Variants in METTL21A observed in about 807,000 individuals in gnomAD.
METTL21A encodes the protein methyltransferase 21A, HSPA lysine, also known as protein N-lysine methyltransferase METTL21A.
A neutral mutation model predicts 20.9 loss-of-function variants in METTL21A; 22 were observed. That is an observed-to-expected ratio of 1.05 (90% confidence interval 0.75 to 1.50). The LOEUF is 1.50. METTL21A is among the 40% of genes most tolerant of loss of function. METTL21A has a pLI of 0.00. For missense variants in METTL21A, 271 were observed against 266.8 expected (o/e 1.02, Z -0.11); for synonymous variants, 93 against 102.0 (o/e 0.91, Z 0.53).
chr2:207,625,663 G>A (rs939923061), upstream of METTL21A: 1 of 152,284 alleles, frequency 6.6e-6, no homozygotes, highest in Non-Finnish European at 1.5e-5. Context: ...TAGCGGGAGA[G>A]AAAAGCCACC....
At position 207,583,390 on chromosome 2, in the gene METTL21A, T is replaced by G. The variant is rs116258586; in HGVS notation, c.260-1230A>C. Among the ~76,000 whole-genome samples the G allele has an allele frequency of 4.7e-3, 720 of 152,334 alleles. 10 individuals are homozygous for G. The highest frequency in any genetic ancestry group is 0.017 in the African/African-American group (693 of 41,578). ...GTAACTTCTTTCTCCGACAGAAACT[T>G]GGCTTATATGTTTGTTTAAATCTAC... On this transcript the variant is annotated intron_variant, in intron 3 of 3. Coordinates refer to the METTL21A transcript ENST00000425132.
intron 3 of METTL21A, chr2:207,603,136 C>T (rs1280399326): frequency 4.8e-6 from 1 of 210,412 alleles, no homozygotes; most frequent in Non-Finnish European, 9.6e-6. Flanking sequence ...AATAAAATTC[C>T]CTACATTCTA....
intron 3 of METTL21A, among the ~76,000 whole-genome samples, chr2:207,591,646 T>A (rs1278984574): frequency 1.3e-5 from 2 of 152,170 alleles, no homozygotes; most frequent in African/African-American, 4.8e-5. Flanking sequence ...TTGGCCAGGC[T>A]GGTCTCAAAC....
At chr2:207,596,841 A>G (rs1251612952) in intron 3 of METTL21A, 16 of 1,540,766 alleles carry the variant, frequency 1.0e-5, no homozygotes, top group Non-Finnish European at 1.4e-5. Context: ...TTAAAAAAGA[A>G]AAAAAAAAGG....
intron 3 of METTL21A, among the ~76,000 whole-genome samples, chr2:207,584,630 G>T (rs2083491820): frequency 6.6e-6 from 1 of 152,156 alleles, no homozygotes; most frequent in South Asian, 2.1e-4. Context: ...TTGAACTCCT[G>T]ACCTCAGATG....
chr2:207,582,119 G>C, exon 4 of METTL21A: 1 of 702,752 alleles, frequency 1.4e-6, no homozygotes, highest in Non-Finnish European at 2.6e-6. Context: ...TTTTCTCTTT[G>C]TCCAGCCCAT....
chr2:207,596,649 T>G (rs571383972), intron 3 of METTL21A, among the ~76,000 whole-genome samples: 1 of 152,346 alleles, frequency 6.6e-6, no homozygotes, highest in African/African-American at 2.4e-5. Context: ...GCCAGGCTGA[T>G]CTTGGACTCC....
At chr2:207,613,124 C>G in exon 4 of METTL21A, 8 of 1,611,814 alleles carry the variant, frequency 5.0e-6, no homozygotes, top group Non-Finnish European at 6.8e-6. Flanking sequence ...GAACCTTTCT[C>G]ACAGTAAATT....
At chr2:207,586,090 CA>C (rs2083781010) in intron 3 of METTL21A, among the ~76,000 whole-genome samples, 1 of 152,154 alleles carries the variant, frequency 6.6e-6, no homozygotes, top group African/African-American at 2.4e-5. Context: ...AAGTCAAAAA[CA>C]AAGAAAAAAT....
chr2:207,603,399 T>G (rs1272509352), intron 3 of METTL21A: 7 of 224,734 alleles, frequency 3.1e-5, no homozygotes, highest in Admixed American at 1.1e-4. Flanking sequence ...CAAACATTTA[T>G]GTGCAGTCAC....
downstream of METTL21A, among the ~76,000 whole-genome samples, chr2:207,581,180 G>T (rs1005289557): frequency 6.6e-6 from 1 of 152,146 alleles, no homozygotes; most frequent in African/African-American, 2.4e-5. Flanking sequence ...GAAAGTAAAA[G>T]ATAAAGTAGC....
intron 3 of METTL21A, chr2:207,620,800 A>G: frequency 9.7e-7 from 1 of 1,027,244 alleles, no homozygotes; most frequent in Non-Finnish European, 1.4e-6. Flanking sequence ...GCTAAGCAGA[A>G]AAAGAAATAG....
At chr2:207,598,975 T>G (rs957667980) in intron 3 of METTL21A, 1 of 185,770 alleles carries the variant, frequency 5.4e-6, no homozygotes, top group Non-Finnish European at 1.1e-5. Context: ...CAACAAAATA[T>G]GAAGATTTAA....
intron 3 of METTL21A, chr2:207,603,426 A>G (rs2087460047): frequency 4.4e-6 from 1 of 224,796 alleles, no homozygotes; most frequent in African/African-American, 2.2e-5. Flanking sequence ...ATGCTTTTAA[A>G]AACTCTGTAA....
chr2:207,591,352 T>G (rs1482666365), intron 3 of METTL21A, among the ~76,000 whole-genome samples: 2 of 152,246 alleles, frequency 1.3e-5, no homozygotes, highest in African/African-American at 2.4e-5. Flanking sequence ...TATAATGTCT[T>G]TCTTTATCCC....
chr2:207,587,844 T>C (rs1385498431), intron 3 of METTL21A, among the ~76,000 whole-genome samples: 1 of 152,140 alleles, frequency 6.6e-6, no homozygotes, highest in Non-Finnish European at 1.5e-5. Context: ...GACACAAACT[T>C]ACATCTAGGT....
chr2:207,586,682 A>G (rs2106635128), intron 3 of METTL21A, among the ~76,000 whole-genome samples: 1 of 152,372 alleles, frequency 6.6e-6, no homozygotes, highest in African/African-American at 2.4e-5. Flanking sequence ...TAACCAGGAT[A>G]TATAAGGAAC....
chr2:207,614,109 T>C (rs898809625), intron 3 of METTL21A, among the ~76,000 whole-genome samples: 1 of 152,032 alleles, frequency 6.6e-6, no homozygotes, highest in Non-Finnish European at 1.5e-5. Context: ...GAATGAAATA[T>C]CTGGGAGCAG....
At chr2:207,598,863 T>G (rs1045987116) in intron 3 of METTL21A, 1 of 175,320 alleles carries the variant, frequency 5.7e-6, no homozygotes, top group African/African-American at 2.4e-5. Flanking sequence ...AAAAAATGTC[T>G]CATTTGGGAA....
Sources: allele counts gnomAD v4.1 joint callset (sites outside exome capture counted in the v4.1 genomes callset), GRCh38; gene constraint gnomAD v4.1.1; transcripts MANE v1.5; gene names NCBI Gene and HGNC (gene_info 2026-07-23, HGNC 2026-07-21).